Variants in GLIS1 observed in about 807,000 individuals in gnomAD.
GLIS1 encodes the protein GLIS family zinc finger 1.
GLIS1 carries 24 observed loss-of-function variants against 63.8 expected under a neutral mutation model. That is an observed-to-expected ratio of 0.38 (90% CI 0.27 to 0.53). GLIS1 has a LOEUF of 0.53. GLIS1 is among the 20% of genes least tolerant of loss of function. GLIS1 has a pLI of 0.85. For missense variants in GLIS1, 1,036 were observed against 1,074.1 expected, an observed-to-expected ratio of 0.96 and a Z score of 0.50; for synonymous variants, 450 against 482.5, an observed-to-expected ratio of 0.93 and a Z score of 0.88.
Position 53,602,660 on chromosome 1 carries a change from C to T in GLIS1, c.260-2382G>A, listed in dbSNP as rs184540570. Reference sequence around the variant, plus strand: ...CCATCCCTGTGGGGCAGGGGCAGGACAGCCATTTTCCAGATGAGAAAGTCA... The same window carrying T: ...CCATCCCTGTGGGGCAGGGGCAGGATAGCCATTTTCCAGATGAGAAAGTCA... On this transcript the variant is annotated intron_variant, in intron 2 of 10. Coordinates refer to ENST00000628545, the MANE Select transcript of GLIS1 (RefSeq NM_001367484.1). Among the ~76,000 whole-genome samples the T allele has an allele frequency of 2.9e-3, 447 of 152,308 alleles. 7 individuals are homozygous for T. Among genetic ancestry groups the T allele is most frequent in the Non-Finnish European group, 2.8e-3 (192 of 68,028 alleles).
At chr1:53,650,800 G>A (rs1305088844) in intron 2 of GLIS1, among the ~76,000 whole-genome samples, 1 of 152,198 alleles carries the variant, frequency 6.6e-6, no homozygotes, top group Non-Finnish European at 1.5e-5. Flanking sequence ...CCAGTCCTGG[G>A]ATCTCACCCC....
chr1:53,534,308 G>A lies in GLIS1; in HGVS notation c.1321-4356C>T, dbSNP rs370743019. Among the ~76,000 whole-genome samples, 45 of 152,156 alleles carry A rather than the reference G, an allele frequency of 3.0e-4. 1 individual carries two copies. The highest frequency in any genetic ancestry group is 5.8e-4 in the East Asian group (3 of 5,182). On this transcript the variant is annotated intron_variant, in intron 4 of 10. Coordinates refer to ENST00000628545, the MANE Select transcript of GLIS1 (RefSeq NM_001367484.1). ...AATGGCACCACGACCCGAGGGCATC[G>A]TAATGATTCCATGGGGCCTGCACCA...
chr1:53,554,167 C>T (rs1013820077), intron 4 of GLIS1, among the ~76,000 whole-genome samples: 1 of 152,222 alleles, frequency 6.6e-6, no homozygotes, highest in Non-Finnish European at 1.5e-5. Flanking sequence ...TCACCTGGCC[C>T]TCAAGGGACT....
chr1:53,522,613 C>T (rs1437356888), intron 6 of GLIS1, among the ~76,000 whole-genome samples: 2 of 152,184 alleles, frequency 1.3e-5, no homozygotes, highest in Non-Finnish European at 2.9e-5. Flanking sequence ...CTCTCTGAGC[C>T]TTAGTTTCTC....
At chr1:53,728,036 T>C (rs1260088293) in intron 2 of GLIS1, among the ~76,000 whole-genome samples, 1 of 152,162 alleles carries the variant, frequency 6.6e-6, no homozygotes, top group Non-Finnish European at 1.5e-5. Flanking sequence ...TGTACTTCAT[T>C]CCCAAACTTC....
chr1:53,712,623 G>T (rs1445512707), intron 2 of GLIS1, among the ~76,000 whole-genome samples: 2 of 152,224 alleles, frequency 1.3e-5, no homozygotes, highest in Non-Finnish European at 2.9e-5. Flanking sequence ...CGACACAGAG[G>T]AGAGGTCAGC....
intron 2 of GLIS1, among the ~76,000 whole-genome samples, chr1:53,730,627 G>T (rs559985373): frequency 1.3e-5 from 2 of 152,290 alleles, no homozygotes; most frequent in South Asian, 4.1e-4. Flanking sequence ...GGCAGGCAGG[G>T]CCATCCCTTG....
At chr1:53,708,281 T>C (rs1646602233) in intron 2 of GLIS1, among the ~76,000 whole-genome samples, 1 of 150,468 alleles carries the variant, frequency 6.6e-6, no homozygotes, top group Non-Finnish European at 1.5e-5. Context: ...GGAGACTTCA[T>C]CTCAAAAAAA....
At chr1:53,668,047 A>G (rs1570016807) in intron 2 of GLIS1, among the ~76,000 whole-genome samples, 1 of 151,972 alleles carries the variant, frequency 6.6e-6, no homozygotes, top group Non-Finnish European at 1.5e-5. Context: ...CCCTCAACAA[A>G]CCTGCCTGCC....
chr1:53,724,078 A>T (rs534483788), intron 2 of GLIS1, among the ~76,000 whole-genome samples: 1 of 152,334 alleles, frequency 6.6e-6, no homozygotes, highest in Non-Finnish European at 1.5e-5. Context: ...AGAATAGGAC[A>T]GATCCTAGGA....
chr1:53,573,847 G>A (rs1569851257), intron 4 of GLIS1, among the ~76,000 whole-genome samples: 3 of 152,196 alleles, frequency 2.0e-5, no homozygotes, highest in Non-Finnish European at 4.4e-5. Context: ...GAGTGGCTCC[G>A]GCTAATGCTG....
chr1:53,575,489 T>G (rs935888646), intron 4 of GLIS1, among the ~76,000 whole-genome samples: 3 of 152,198 alleles, frequency 2.0e-5, no homozygotes, highest in Admixed American at 2.0e-4. Context: ...ACCTCGGTAG[T>G]TCTTATCAAG....
At chr1:53,605,948 G>C (rs1645365587) in intron 2 of GLIS1, among the ~76,000 whole-genome samples, 1 of 152,160 alleles carries the variant, frequency 6.6e-6, no homozygotes, top group Non-Finnish European at 1.5e-5. Flanking sequence ...CTGTGACTTA[G>C]GGGAGTGGAA....
intron 2 of GLIS1, among the ~76,000 whole-genome samples, chr1:53,627,454 A>AT (rs888101430): frequency 1.3e-5 from 2 of 151,970 alleles, no homozygotes; most frequent in African/African-American, 4.8e-5. Context: ...TCCAGCTCCG[A>AT]TTTTTTTCCC....
intron 8 of GLIS1, among the ~76,000 whole-genome samples, chr1:53,514,345 G>A (rs1318533987): frequency 6.6e-6 from 1 of 152,192 alleles, no homozygotes; most frequent in Non-Finnish European, 1.5e-5. Flanking sequence ...GTCGCTGGGA[G>A]GGGCCACAGC....
intron 2 of GLIS1, among the ~76,000 whole-genome samples, chr1:53,697,327 T>C (rs547855478): frequency 6.6e-6 from 1 of 152,370 alleles, no homozygotes; most frequent in South Asian, 2.1e-4. Flanking sequence ...CAAGGCCCTC[T>C]GAGGTTCTCA....
chr1:53,718,062 G>A (rs551246256), intron 2 of GLIS1, among the ~76,000 whole-genome samples: 1 of 152,296 alleles, frequency 6.6e-6, no homozygotes, highest in Admixed American at 6.5e-5. Flanking sequence ...TGTGCACCGG[G>A]GCCCAGCGGC....
Position 53,725,000 on chromosome 1 carries a change from C to T in GLIS1, c.259+12806G>A, listed in dbSNP as rs551307810. On this transcript the variant is annotated intron_variant, in intron 2 of 10. Coordinates refer to ENST00000628545, the MANE Select transcript of GLIS1 (RefSeq NM_001367484.1). ...CAATGGGAATTTAGTTTTCTCTACCCCACCCCAGCAAATAGCTCTTCCGTA... is the reference window on the plus strand; with the variant it reads ...CAATGGGAATTTAGTTTTCTCTACCTCACCCCAGCAAATAGCTCTTCCGTA... Among the ~76,000 whole-genome samples, 4 of 152,250 alleles carry T rather than the reference C, an allele frequency of 2.6e-5. No homozygotes were observed. In the South Asian group the frequency reaches 6.2e-4, roughly 24 times the overall value.
intron 4 of GLIS1, among the ~76,000 whole-genome samples, chr1:53,590,872 C>T (rs1200017340): frequency 6.6e-6 from 1 of 152,144 alleles, no homozygotes; most frequent in African/African-American, 2.4e-5. Flanking sequence ...CTAAGATGCT[C>T]AGGCAGAGGG....
Sources: allele counts gnomAD v4.1 joint callset (sites outside exome capture counted in the v4.1 genomes callset), GRCh38; gene constraint gnomAD v4.1.1; transcripts MANE v1.5; gene names NCBI Gene and HGNC (gene_info 2026-07-23, HGNC 2026-07-21).